RAB3GAP2: variants seen among roughly 807,000 people sequenced by gnomAD.
The protein encoded by RAB3GAP2 is RAB3 GTPase activating non-catalytic protein subunit 2, also known as rab3 GTPase-activating protein non-catalytic subunit.
In RAB3GAP2, 87 loss-of-function variants were observed where a neutral mutation model predicts 185.3. That is an observed-to-expected ratio of 0.47 (90% CI 0.39 to 0.56). The LOEUF (loss-of-function observed/expected upper bound fraction) is 0.56. Ranked by LOEUF, RAB3GAP2 falls within the 20% of genes least tolerant of loss-of-function variation. The pLI, the probability that RAB3GAP2 is intolerant of heterozygous loss-of-function variation, is 0.00. For synonymous variants in RAB3GAP2, 554 were observed against 576.1 expected, an observed-to-expected ratio of 0.96 and a Z score of 0.55; for missense variants, 1,492 against 1,638.2, an observed-to-expected ratio of 0.91 and a Z score of 1.54.
chr1:220,245,237 T>C (rs918537582), intron 1 of RAB3GAP2, among the ~76,000 whole-genome samples: 11 of 152,230 alleles, frequency 7.2e-5, no homozygotes, highest in African/African-American at 2.7e-4. Context: ...GGGTGATTTC[T>C]GCATTTCCAT....
At position 220,171,257 on chromosome 1, in the gene RAB3GAP2, A is replaced by C. The variant is rs1489062395; in HGVS notation, c.2578-137T>G. ...ACATACATGCTATTTCACAAATATT[A>C]CTACTTGGCTGGATGAAACATGAGG... On this transcript the variant is annotated intron_variant, in intron 23 of 34. Coordinates refer to ENST00000358951, the MANE Select transcript of RAB3GAP2 (RefSeq NM_012414.4). The C allele has an allele frequency of 3.7e-6, 3 of 811,866 alleles. No individual in the cohort carries two copies. The African/African-American group carries it at 5.1e-5, about 14-fold the overall frequency. 50.3% of individuals were successfully genotyped at this position (811,866 alleles called of 1,614,324 possible). A position where few individuals can be genotyped will look rare whatever the true frequency, so the allele number is the denominator to read the frequency against.
intron 1 of RAB3GAP2, among the ~76,000 whole-genome samples, chr1:220,237,115 C>A (rs1178157790): frequency 1.3e-5 from 2 of 152,088 alleles, no homozygotes; most frequent in Non-Finnish European, 2.9e-5. Flanking sequence ...CTTAAAAAGG[C>A]AAATCAATTT....
At chr1:220,200,464 G>T (rs2102874532) in intron 9 of RAB3GAP2, 1 of 429,378 alleles carries the variant, frequency 2.3e-6, no homozygotes, top group East Asian at 5.9e-5. Context: ...ATATTAATAG[G>T]TACTCATTTA....
In RAB3GAP2 at chr1:220,201,390, C is replaced by A. The variant is rs117861779; in HGVS notation, c.811+886G>T. 2.1e-3 allele frequency among the ~76,000 whole-genome samples: 319 copies of A among 152,170 alleles called. 1 individual carries two copies. The highest frequency in any genetic ancestry group is 0.016 in the East Asian group (82 of 5,156). ...TGATTTATATGGTCATTATATAGAC[C>A]AAATTTGTCTGTAGAAAAATTAGTC... On this transcript the variant is annotated intron_variant, in intron 9 of 34. Coordinates refer to ENST00000358951, the MANE Select transcript of RAB3GAP2 (RefSeq NM_012414.4).
intron 1 of RAB3GAP2, chr1:220,266,451 G>A (rs942582695): frequency 1.4e-5 from 7 of 484,328 alleles, no homozygotes; most frequent in South Asian, 6.1e-5. Context: ...GGCTGCAGTC[G>A]AACCTTGCCT....
intron 27 of RAB3GAP2, among the ~76,000 whole-genome samples, chr1:220,163,307 TA>T (rs1274225065): frequency 6.6e-6 from 1 of 151,950 alleles, no homozygotes; most frequent in African/African-American, 2.4e-5. Context: ...TGGGTAAAGG[TA>T]CAAATATGTA....
intron 1 of RAB3GAP2, chr1:220,253,549 G>A (rs1265433414): frequency 1.9e-6 from 3 of 1,579,182 alleles, no homozygotes; most frequent in Non-Finnish European, 2.6e-6. Context: ...GGAGAAGGAG[G>A]AGGCGGCAAA....
Position 220,157,725 on chromosome 1 carries a change from C to A in RAB3GAP2, c.3336+77G>T, listed in dbSNP as rs919522663. 3.8e-6 allele frequency: 5 copies of A among 1,315,450 alleles called. No individual in the cohort carries two copies. In the African/African-American group the frequency reaches 5.8e-5, roughly 15 times the overall value. The allele number at this position is 1,315,450 out of a possible 1,614,324, so 81.5% of individuals were successfully genotyped here. ...TGAAAAACAACCTCATTAAAATAGT[C>A]ATTTATTAAATGCAATGGTTTGCAG... On this transcript the variant is annotated intron_variant, in intron 30 of 34. Coordinates refer to ENST00000358951, the MANE Select transcript of RAB3GAP2 (RefSeq NM_012414.4).
rs193175918 is a variant in RAB3GAP2, at chr1:220,155,033, C to T, written c.3556-976G>A. 2.6e-3 allele frequency among the ~76,000 whole-genome samples: 391 copies of T among 152,224 alleles called. 1 individual carries two copies. Among genetic ancestry groups the T allele is most frequent in the South Asian group, 0.014 (66 of 4,824 alleles). ...AGCCACCGCGCCCAGCCTCTGAATCCTTTTAAAAACACTTGTTGAATTGTT... is the reference window on the plus strand; with the variant it reads ...AGCCACCGCGCCCAGCCTCTGAATCTTTTTAAAAACACTTGTTGAATTGTT... On this transcript the variant is annotated intron_variant, in intron 31 of 34. Coordinates refer to ENST00000358951, the MANE Select transcript of RAB3GAP2 (RefSeq NM_012414.4).
intron 21 of RAB3GAP2, among the ~76,000 whole-genome samples, chr1:220,174,580 T>C (rs768711580): frequency 2.0e-5 from 3 of 152,222 alleles, no homozygotes; most frequent in Non-Finnish European, 2.9e-5. Context: ...ACAGTTATTA[T>C]TGACTATAGT....
chr1:220,176,492 T>C (rs1002835042), intron 21 of RAB3GAP2, among the ~76,000 whole-genome samples: 1 of 152,180 alleles, frequency 6.6e-6, no homozygotes, highest in African/African-American at 2.4e-5. Context: ...TTGCCCATGA[T>C]CCTGCCACCA....
At chr1:220,250,463 A>G (rs1310516746) in intron 1 of RAB3GAP2, among the ~76,000 whole-genome samples, 1 of 152,190 alleles carries the variant, frequency 6.6e-6, no homozygotes, top group Non-Finnish European at 1.5e-5. Flanking sequence ...GGTGGAAGGG[A>G]CTTGCCTTGT....
intron 21 of RAB3GAP2, among the ~76,000 whole-genome samples, chr1:220,176,294 T>C (rs1658287802): frequency 6.6e-6 from 1 of 152,212 alleles, no homozygotes. Flanking sequence ...TATTGACATA[T>C]AACCAGATGA....
In RAB3GAP2 at chr1:220,212,960, T is replaced by C; in HGVS notation, c.313A>G (p.Lys105Glu). Reference protein sequence around the residue: ...QKAVFLVPKWKYSDKGKEEMQ... With the variant: ...QKAVFLVPKWEYSDKGKEEMQ... Reference sequence around the variant, plus strand: ...TCTTCCTTTCCTTTATCACTATATTTCCATTTTGCTGTAAGAATTAAGATA... The same window carrying C: ...TCTTCCTTTCCTTTATCACTATATTCCCATTTTGCTGTAAGAATTAAGATA... Residue 105 changes from lysine (K) to glutamate (E), a missense_variant, in exon 4 of 35, where the codon AAA becomes GAA. Lys to Glu is a moderately conservative substitution (Grantham distance 56). This residue lies in a region of RAB3GAP2 where 177 missense variants were observed against 160.6 expected (regional missense o/e 1.10). Transcript: ENST00000358951. 1 of 1,609,116 alleles carries C rather than the reference T, an allele frequency of 6.2e-7. No homozygotes were observed. The highest frequency in any genetic ancestry group is 8.5e-7 in the Non-Finnish European group (1 of 1,176,124).
At chr1:220,257,644 C>A (rs1571933265) in intron 1 of RAB3GAP2, among the ~76,000 whole-genome samples, 1 of 151,984 alleles carries the variant, frequency 6.6e-6, no homozygotes, top group East Asian at 1.9e-4. Flanking sequence ...GACTTAACAA[C>A]CTAACATCTC....
chr1:220,195,960 T>C (rs552565593), intron 10 of RAB3GAP2, among the ~76,000 whole-genome samples: 20 of 152,282 alleles, frequency 1.3e-4, no homozygotes, highest in Admixed American at 3.3e-4. Flanking sequence ...GCTGGCATCA[T>C]TAACAAGCCT....
At chr1:220,202,891 T>C (rs1408024405) in intron 8 of RAB3GAP2, among the ~76,000 whole-genome samples, 1 of 152,138 alleles carries the variant, frequency 6.6e-6, no homozygotes, top group Non-Finnish European at 1.5e-5. Flanking sequence ...TGCAGTAAGC[T>C]GAGATCACGC....
chr1:220,268,400 A>AT (rs1660269449), intron 1 of RAB3GAP2, among the ~76,000 whole-genome samples: 1 of 152,220 alleles, frequency 6.6e-6, no homozygotes, highest in African/African-American at 2.4e-5. Flanking sequence ...AATTTCTTGA[A>AT]TACAGTACTT....
intron 13 of RAB3GAP2, among the ~76,000 whole-genome samples, chr1:220,192,758 A>G (rs77465490): frequency 0.069 from 10,530 of 152,298 alleles, 481 homozygotes; most frequent in Middle Eastern, 0.11. Context: ...TCTGTTACTC[A>G]GGTCTGTTAA....
Sources: allele counts gnomAD v4.1 joint callset (sites outside exome capture counted in the v4.1 genomes callset), GRCh38; gene constraint gnomAD v4.1.1; regional missense constraint gnomAD v4.1.1; transcripts MANE v1.5; gene names NCBI Gene and HGNC (gene_info 2026-07-23, HGNC 2026-07-21).